USP32: variants seen among roughly 807,000 people sequenced by gnomAD.
The protein encoded by USP32 is ubiquitin carboxyl-terminal hydrolase 32.
USP32 carries 59 observed loss-of-function variants against 204.8 expected under a neutral mutation model. The ratio of observed to expected loss-of-function variants is 0.29; its 90% CI spans 0.23 to 0.36. The LOEUF (loss-of-function observed/expected upper bound fraction) is 0.36. Ranked by LOEUF, USP32 falls within the 10% of genes least tolerant of loss-of-function variation. The probability of loss-of-function intolerance (pLI) is 1.00; values close to 1 mark genes in which losing one functional copy is unlikely to be tolerated. For missense variants in USP32, 1,160 were observed against 1,946.4 expected (o/e 0.60, Z 7.60); for synonymous variants, 517 against 678.4 (o/e 0.76, Z 3.70).
At chr17:60,193,173 G>A (rs1204358841) in intron 27 of USP32, among the ~76,000 whole-genome samples, 1 of 152,176 alleles carries the variant, frequency 6.6e-6, no homozygotes, top group Admixed American at 6.5e-5. Context: ...ATGTCTCTAA[G>A]GGAGTCCATG....
At chr17:60,234,647 G>A (rs1242960627) in intron 12 of USP32, among the ~76,000 whole-genome samples, 1 of 151,586 alleles carries the variant, frequency 6.6e-6, no homozygotes, top group African/African-American at 2.4e-5. Context: ...GAAGAATGGC[G>A]TGAACCTGGA....
chr17:60,391,820 C>T (rs2089839954), intron 1 of USP32, 62 bp downstream of exon 1: 2 of 1,569,788 alleles, frequency 1.3e-6, no homozygotes, highest in Admixed American at 3.6e-5. Flanking sequence ...CCCGGTTACC[C>T]ACCCTCCAGG....
intron 11 of USP32, chr17:60,245,347 G>C: frequency 2.6e-6 from 1 of 381,310 alleles, no homozygotes; most frequent in Non-Finnish European, 5.1e-6. Flanking sequence ...CAGCTGGGCT[G>C]CTCTTTCCAC....
At chr17:60,273,961 CAAAAAAAA>C (rs35639109) in intron 5 of USP32, among the ~76,000 whole-genome samples, 4 of 42,326 alleles carry the variant, frequency 9.5e-5, no homozygotes, top group African/African-American at 3.3e-4. Context: ...GACTCAGTCT[CAAAAAAAA>C]AAAAAAAAAA....
At chr17:60,366,112 G>A (rs2089307370) in intron 1 of USP32, among the ~76,000 whole-genome samples, 1 of 151,794 alleles carries the variant, frequency 6.6e-6, no homozygotes, top group East Asian at 1.9e-4. Flanking sequence ...CCAGTAGCTG[G>A]GATTACAGGC....
intron 9 of USP32, among the ~76,000 whole-genome samples, chr17:60,257,495 G>C (rs1477640597): frequency 6.6e-6 from 1 of 152,012 alleles, no homozygotes; most frequent in African/African-American, 2.4e-5. Context: ...ATTTTATTTT[G>C]TTTTCTAAAA....
intron 5 of USP32, among the ~76,000 whole-genome samples, chr17:60,277,907 A>G (rs1047260663): frequency 1.3e-5 from 2 of 150,508 alleles, no homozygotes; most frequent in Non-Finnish European, 2.9e-5. Context: ...AAAATAACTT[A>G]ATAATAGTTC....
intron 1 of USP32, among the ~76,000 whole-genome samples, chr17:60,419,039 A>C (rs933242418): frequency 6.6e-6 from 1 of 152,218 alleles, no homozygotes; most frequent in African/African-American, 2.4e-5. Context: ...AATATAAATC[A>C]TTCTACCATA....
chr17:60,364,272 T>A (rs2089270785), intron 1 of USP32, among the ~76,000 whole-genome samples: 1 of 152,158 alleles, frequency 6.6e-6, no homozygotes, highest in Admixed American at 6.5e-5. Flanking sequence ...CACTTCTTCA[T>A]ACAATCACAT....
chr17:60,373,042 C>A (rs1319648645), intron 1 of USP32, among the ~76,000 whole-genome samples: 4 of 151,656 alleles, frequency 2.6e-5, no homozygotes, highest in African/African-American at 9.7e-5. Flanking sequence ...TGGCATGCAC[C>A]CATAGTCGCA....
chr17:60,185,042 C>T (rs1425910330), intron 30 of USP32, among the ~76,000 whole-genome samples: 1 of 152,186 alleles, frequency 6.6e-6, no homozygotes, highest in Non-Finnish European at 1.5e-5. Flanking sequence ...CAGTAGTGTG[C>T]CATAGCCACA....
intron 4 of USP32, among the ~76,000 whole-genome samples, chr17:60,292,713 T>G (rs936619164): frequency 1.3e-5 from 2 of 151,832 alleles, no homozygotes; most frequent in African/African-American, 4.8e-5. Context: ...CCTGGATTAT[T>G]CAGATACCTC....
chr17:60,288,679 C>T lies in USP32; in HGVS notation c.415G>A (p.Glu139Lys). Reference protein sequence around the residue: ...DTLRKCFSEGEKVNYEKFRNW... With the variant: ...DTLRKCFSEGKKVNYEKFRNW... The stretch of plus-strand genomic sequence containing the variant: ...CTAAACTTTTCATAGTTTACCTTTT[C>T]ACCCTAAAATTAAAACAAGAAAACA... Residue 139 changes from glutamate (E) to lysine (K), a missense_variant, in exon 5 of 34, where the codon GAA becomes AAA. Glu to Lys is a moderately conservative substitution (Grantham distance 56). This residue lies in a region of USP32 where 536 missense variants were observed against 680.9 expected (regional missense o/e 0.79). Coordinates refer to ENST00000300896, the MANE Select transcript of USP32 (RefSeq NM_032582.4). 5 of 1,598,642 alleles carry T rather than the reference C, an allele frequency of 3.1e-6. No individual in the cohort carries two copies. Among genetic ancestry groups the T allele is most frequent in the Non-Finnish European group, 4.3e-6 (5 of 1,175,516 alleles).
At chr17:60,201,950 C>T (rs1442937332) in intron 26 of USP32, among the ~76,000 whole-genome samples, 1 of 152,190 alleles carries the variant, frequency 6.6e-6, no homozygotes, top group African/African-American at 2.4e-5. Context: ...AGCCACCGCA[C>T]CCAGCCAAGT....
At chr17:60,364,156 T>TA (rs2146063891) in intron 1 of USP32, among the ~76,000 whole-genome samples, 1 of 152,260 alleles carries the variant, frequency 6.6e-6, no homozygotes, top group South Asian at 2.1e-4. Context: ...ACCTTCTGTG[T>TA]CCTGACATGG....
chr17:60,368,411 A>G (rs1162855844), intron 1 of USP32, among the ~76,000 whole-genome samples: 1 of 152,218 alleles, frequency 6.6e-6, no homozygotes, highest in African/African-American at 2.4e-5. Context: ...TATAGTTAGT[A>G]AGAAATCCCA....
intron 2 of USP32, among the ~76,000 whole-genome samples, chr17:60,315,675 A>T (rs2087957951): frequency 6.6e-6 from 1 of 152,218 alleles, no homozygotes; most frequent in Non-Finnish European, 1.5e-5. Context: ...GAAACAACCC[A>T]TAAAAAGATG....
chr17:60,233,604 G>A (rs1212125638), intron 12 of USP32, among the ~76,000 whole-genome samples: 2 of 152,186 alleles, frequency 1.3e-5, no homozygotes, highest in South Asian at 4.1e-4. Context: ...TTTTAAAAAG[G>A]TTACTTGAAT....
chr17:60,339,093 A>G (rs2088593411), intron 2 of USP32, among the ~76,000 whole-genome samples: 1 of 151,420 alleles, frequency 6.6e-6, no homozygotes, highest in Non-Finnish European at 1.5e-5. Context: ...CATTTTTAGT[A>G]CAGATGGGGG....
Sources: allele counts gnomAD v4.1 joint callset (sites outside exome capture counted in the v4.1 genomes callset), GRCh38; gene constraint gnomAD v4.1.1; regional missense constraint gnomAD v4.1.1; transcripts MANE v1.5; gene names NCBI Gene and HGNC (gene_info 2026-07-23, HGNC 2026-07-21).